Variants in CRACR2A observed in about 807,000 individuals in gnomAD.
CRACR2A encodes the protein EF-hand calcium-binding domain-containing protein 4B.
A neutral mutation model predicts 90.5 loss-of-function variants in CRACR2A; 79 were observed. The observed-to-expected ratio is 0.87, with a 90% CI of 0.73 to 1.05. CRACR2A has a LOEUF of 1.05. Ranked by LOEUF, CRACR2A falls within the 50% of genes least tolerant of loss-of-function variation. CRACR2A has a pLI of 0.00. For missense variants in CRACR2A, 823 were observed against 897.2 expected, an observed-to-expected ratio of 0.92 and a Z score of 1.06; for synonymous variants, 338 against 356.7, an observed-to-expected ratio of 0.95 and a Z score of 0.59.
At chr12:3,651,501 CAG>C (rs896067389) in intron 10 of CRACR2A, among the ~76,000 whole-genome samples, 2 of 152,230 alleles carry the variant, frequency 1.3e-5, no homozygotes, top group African/African-American at 2.4e-5. Flanking sequence ...AATTAAAAAA[CAG>C]AGTTGCTGCT....
intron 1 of CRACR2A, among the ~76,000 whole-genome samples, chr12:3,738,464 T>A (rs1477343692): frequency 1.3e-5 from 2 of 152,114 alleles, no homozygotes; most frequent in African/African-American, 4.8e-5. Context: ...CCAAAGAGAA[T>A]GTTTAGAAAT....
chr12:3,652,815 G>A (rs147931686), intron 10 of CRACR2A, among the ~76,000 whole-genome samples: 17 of 152,298 alleles, frequency 1.1e-4, no homozygotes, highest in East Asian at 3.9e-4. Flanking sequence ...AAACGAATGC[G>A]TGAGTAAATG....
intron 17 of CRACR2A, among the ~76,000 whole-genome samples, chr12:3,619,636 G>C (rs952274661): frequency 5.9e-5 from 9 of 152,150 alleles, no homozygotes; most frequent in Non-Finnish European, 1.2e-4. Flanking sequence ...CCCCCTTCAC[G>C]ATGCTCCTTG....
At chr12:3,648,906 A>G (rs1398620985) in intron 10 of CRACR2A, among the ~76,000 whole-genome samples, 1 of 152,228 alleles carries the variant, frequency 6.6e-6, no homozygotes, top group African/African-American at 2.4e-5. Context: ...TCCTAACCCC[A>G]GACCCAGCTC....
At chr12:3,686,692 T>C (rs1165405717) in intron 4 of CRACR2A, among the ~76,000 whole-genome samples, 1 of 152,082 alleles carries the variant, frequency 6.6e-6, no homozygotes, top group Non-Finnish European at 1.5e-5. Context: ...TCTAGGGTAT[T>C]GCACCAGACC....
At chr12:3,683,809 T>G (rs1285985721) in intron 4 of CRACR2A, among the ~76,000 whole-genome samples, 2 of 152,214 alleles carry the variant, frequency 1.3e-5, no homozygotes, top group African/African-American at 4.8e-5. Flanking sequence ...AAGGCATAGA[T>G]AAGCGCTTGA....
chr12:3,628,405 G>A (rs1944316791), intron 15 of CRACR2A, among the ~76,000 whole-genome samples: 1 of 152,136 alleles, frequency 6.6e-6, no homozygotes, highest in Non-Finnish European at 1.5e-5. Context: ...GTAGAGGAAA[G>A]GACAGAACAG....
chr12:3,679,222 T>G, intron 5 of CRACR2A, 124 bp from the exon 6 acceptor site: 2 of 985,110 alleles, frequency 2.0e-6, no homozygotes, highest in East Asian at 5.4e-5. Context: ...GGAAAGCCCC[T>G]CCAGCAAAGA....
intron 4 of CRACR2A, among the ~76,000 whole-genome samples, chr12:3,681,648 G>A (rs1002699106): frequency 2.8e-4 from 43 of 152,236 alleles, no homozygotes; most frequent in African/African-American, 9.9e-4. Context: ...GAAATTGCCA[G>A]TGTGGAAGTG....
chr12:3,673,303 G>C, intron 7 of CRACR2A, 143 bp downstream of exon 7: 1 of 955,088 alleles, frequency 1.0e-6, no homozygotes, highest in South Asian at 1.7e-5. Flanking sequence ...TATCGTGACA[G>C]ACACAGGGCC....
chr12:3,718,378 T>C (rs1252837752), intron 2 of CRACR2A, among the ~76,000 whole-genome samples: 1 of 152,146 alleles, frequency 6.6e-6, no homozygotes, highest in Non-Finnish European at 1.5e-5. Flanking sequence ...GGCAGCATTC[T>C]CTCTCAAGCA....
At chr12:3,741,283 G>A (rs778541716) in intron 1 of CRACR2A, among the ~76,000 whole-genome samples, 40 of 152,104 alleles carry the variant, frequency 2.6e-4, no homozygotes, top group Non-Finnish European at 4.7e-4. Context: ...GTGACAGGCC[G>A]GAGAGCTCTG....
rs773065132 is a variant in CRACR2A at position 3,638,108 on chromosome 12, T to A, written c.1602+16A>T. 1 of 1,527,058 alleles carries A rather than the reference T, an allele frequency of 6.5e-7. No individual in the cohort carries two copies. The highest frequency in any genetic ancestry group is 2.5e-5 in the East Asian group (1 of 40,444). The allele number at this position is 1,527,058 out of a possible 1,614,324, so 94.6% of individuals were successfully genotyped here. A position where few individuals can be genotyped will look rare whatever the true frequency, so the allele number is the denominator to read the frequency against. ...TAGAAGTGATGTGCATGAACCAAGGTAGGCTGTGCCCTTACCTTACACAGG... is the reference window on the plus strand; with the variant it reads ...TAGAAGTGATGTGCATGAACCAAGGAAGGCTGTGCCCTTACCTTACACAGG... On this transcript the variant is annotated intron_variant, in intron 14 of 19. Coordinates refer to ENST00000440314, the MANE Select transcript of CRACR2A (RefSeq NM_001144958.2).
intron 10 of CRACR2A, among the ~76,000 whole-genome samples, chr12:3,652,445 G>T (rs1944810527): frequency 6.6e-6 from 1 of 152,138 alleles, no homozygotes; most frequent in African/African-American, 2.4e-5. Flanking sequence ...CAGCTACTTG[G>T]GAGTTTTTTT....
chr12:3,635,500 A>T (rs1284004154), intron 14 of CRACR2A, among the ~76,000 whole-genome samples: 1 of 152,084 alleles, frequency 6.6e-6, no homozygotes, highest in Non-Finnish European at 1.5e-5. Flanking sequence ...GTCACTATTC[A>T]TATCTTTTTA....
At position 3,615,979 on chromosome 12, in the gene CRACR2A, G is replaced by A. The variant is rs974100010; in HGVS notation, c.2112-540C>T. On this transcript the variant is annotated intron_variant, in intron 19 of 19. Transcript: ENST00000440314. ...AGGAGGTGAGGAATTAAAAATAATG[G>A]TAAACACCTGTCTCTTCTCTATACT... 3.3e-5 allele frequency among the ~76,000 whole-genome samples: 5 copies of A among 152,248 alleles called. No homozygotes were observed. The East Asian group carries it at 9.6e-4, about 29-fold the overall frequency.
At chr12:3,751,422 A>C (rs1365491759) in intron 1 of CRACR2A, among the ~76,000 whole-genome samples, 1 of 152,168 alleles carries the variant, frequency 6.6e-6, no homozygotes, top group Non-Finnish European at 1.5e-5. Context: ...TGTTCTTCTG[A>C]ACCCAGCTCC....
At chr12:3,664,716 A>T (rs1478616139) in intron 7 of CRACR2A, among the ~76,000 whole-genome samples, 2 of 151,996 alleles carry the variant, frequency 1.3e-5, no homozygotes, top group Non-Finnish European at 2.9e-5. Context: ...TTCTCAAAAC[A>T]CTCCTTCTGG....
At chr12:3,659,472 A>C in intron 8 of CRACR2A, 92 bp downstream of exon 8, 4 of 1,078,584 alleles carry the variant, frequency 3.7e-6, no homozygotes, top group Non-Finnish European at 5.6e-6. Context: ...TCAATAGTGC[A>C]TGGATGGGGG....
Sources: allele counts gnomAD v4.1 joint callset (sites outside exome capture counted in the v4.1 genomes callset), GRCh38; gene constraint gnomAD v4.1.1; transcripts MANE v1.5; gene names NCBI Gene and HGNC (gene_info 2026-07-23, HGNC 2026-07-21).